SKI: variants seen among roughly 807,000 people sequenced by gnomAD.
The protein encoded by SKI is ski oncogene.
A neutral mutation model predicts 59.3 loss-of-function variants in SKI; 23 were observed. That is an observed-to-expected ratio of 0.39 (90% CI 0.28 to 0.55). The LOEUF (loss-of-function observed/expected upper bound fraction) is 0.55. SKI is among the 20% of genes least tolerant of loss of function. The pLI, the probability that SKI is intolerant of heterozygous loss-of-function variation, is 0.67. For missense variants in SKI, 1,017 were observed against 1,038.9 expected (o/e 0.98, Z 0.29); for synonymous variants, 673 against 488.6 (o/e 1.38, Z -4.98).
chr1:2,251,821 G>T (rs1383295319), intron 1 of SKI, among the ~76,000 whole-genome samples: 1 of 152,202 alleles, frequency 6.6e-6, no homozygotes, highest in African/African-American at 2.4e-5. Context: ...TCTCGAGTCT[G>T]GTTGTTGTTG....
chr1:2,267,626 G>A lies in SKI; in HGVS notation c.970-35352G>A, dbSNP rs1014685093. ...CTGCACTCTGCTCTCATCGGAAGCT[G>A]GGCAGTGGCCAGAGGCCTGGGAAAG... On this transcript the variant is annotated intron_variant, in intron 1 of 6. Coordinates refer to ENST00000378536, the MANE Select transcript of SKI (RefSeq NM_003036.4). This position sits in a 1 kb window ranked among gnomAD's most constrained non-coding sequence, Gnocchi z 4.1. Among the ~76,000 whole-genome samples, 7 of 152,198 alleles carry A rather than the reference G, an allele frequency of 4.6e-5. No individual in the cohort carries two copies. The highest frequency in any genetic ancestry group is 1.2e-4 in the African/African-American group (5 of 41,448).
intron 1 of SKI, among the ~76,000 whole-genome samples, chr1:2,301,299 A>G (rs1462592056): frequency 6.6e-6 from 1 of 151,988 alleles, no homozygotes; most frequent in African/African-American, 2.4e-5. Context: ...GCCGCCACAT[A>G]GAGGGGGTAT....
At chr1:2,284,517 C>T (rs551112257) in intron 1 of SKI, among the ~76,000 whole-genome samples, 1 of 152,204 alleles carries the variant, frequency 6.6e-6, no homozygotes, top group South Asian at 2.1e-4. Context: ...TGGAGCAGGG[C>T]AGATGCAGCT....
chr1:2,308,086 C>G lies in SKI; in HGVS notation c.*1321C>G, dbSNP rs1640645238. ...TGCAAATTGTATAAGGTTTCTTATG[C>G]CCAAGCTTGAAAAATGATTTCCCAG... On this transcript the variant is annotated 3_prime_UTR_variant, in exon 7 of 7. Transcript: ENST00000378536. The G allele has an allele frequency of 6.6e-6, 1 of 152,292 alleles. No homozygotes were observed. The highest frequency in any genetic ancestry group is 2.1e-4 in the South Asian group (1 of 4,826). The allele number at this position is 152,292 out of a possible 1,614,324, so 9.4% of individuals were successfully genotyped here.
intron 1 of SKI, among the ~76,000 whole-genome samples, chr1:2,234,927 G>A (rs751466580): frequency 3.9e-5 from 6 of 152,298 alleles, no homozygotes; most frequent in East Asian, 3.9e-4. Flanking sequence ...ATGGAGGGGG[G>A]GCTGCCTGGG....
At chr1:2,288,873 C>A (rs181433367) in intron 1 of SKI, among the ~76,000 whole-genome samples, 87 of 152,308 alleles carry the variant, frequency 5.7e-4, no homozygotes, top group African/African-American at 2.0e-3. Context: ...CCCCTCCCCC[C>A]GCCACGTGTG....
chr1:2,296,741 C>T (rs1223960569), intron 1 of SKI, among the ~76,000 whole-genome samples: 1 of 151,726 alleles, frequency 6.6e-6, no homozygotes, highest in Non-Finnish European at 1.5e-5. Context: ...TTCTGGGAAG[C>T]CTTGTTGTTG....
chr1:2,264,168 A>G (rs1014484499), intron 1 of SKI, among the ~76,000 whole-genome samples: 5 of 152,238 alleles, frequency 3.3e-5, no homozygotes, highest in African/African-American at 1.2e-4. Context: ...TCTCAATTCA[A>G]CTAAAAATGC....
At chr1:2,277,474 C>T (rs935209816) in intron 1 of SKI, among the ~76,000 whole-genome samples, 1 of 152,188 alleles carries the variant, frequency 6.6e-6, no homozygotes, top group Non-Finnish European at 1.5e-5. Flanking sequence ...GCTTTTGCTT[C>T]CTCCTCATTT....
Position 2,269,270 on chromosome 1 carries a change from C to G in SKI, c.970-33708C>G, listed in dbSNP as rs1242158116. Reference sequence around the variant, plus strand: ...CCCATGTTTGATTCTCGATGCAGATCCAGCCCTGGGAAGAAAGCACCGCTG... The same window carrying G: ...CCCATGTTTGATTCTCGATGCAGATGCAGCCCTGGGAAGAAAGCACCGCTG... On this transcript the variant is annotated intron_variant, in intron 1 of 6. Coordinates refer to ENST00000378536, the MANE Select transcript of SKI (RefSeq NM_003036.4). The surrounding 1 kb of genome is among the most constrained non-coding windows in gnomAD (Gnocchi z 4.7). Among the ~76,000 whole-genome samples, 1 of 152,184 alleles carries G rather than the reference C, an allele frequency of 6.6e-6. No homozygotes were observed. The highest frequency in any genetic ancestry group is 2.4e-5 in the African/African-American group (1 of 41,436).
Position 2,229,037 on chromosome 1 carries a change from T to C in SKI, c.271T>C (p.Phe91Leu). 6.2e-7 allele frequency: 1 copy of C among 1,602,096 alleles called. No individual in the cohort carries two copies. Among genetic ancestry groups the C allele is most frequent in the Non-Finnish European group, 8.5e-7 (1 of 1,178,928 alleles). The change falls in exon 1 of 7, where the codon TTC becomes CTC. Residue 91 changes from phenylalanine to leucine, a missense_variant. Coordinates refer to ENST00000378536, the MANE Select transcript of SKI (RefSeq NM_003036.4). The surrounding 1 kb of genome is among the most constrained non-coding windows in gnomAD (Gnocchi z 6.3). ...GCCGCCCGTGCTGCCCGGGCCCTTC[T>C]TCATGCCGTCCGACCGCTCCACCGA... Reference protein sequence around the residue: ...PPPPVLPGPFFMPSDRSTERC... With the variant: ...PPPPVLPGPFLMPSDRSTERC...
rs147683936 is a variant in SKI at position 2,239,388 on chromosome 1, C to A, written c.969+9653C>A. On this transcript the variant is annotated intron_variant, in intron 1 of 6. Coordinates refer to ENST00000378536, the MANE Select transcript of SKI (RefSeq NM_003036.4). ...AACCCCCTGGGTTGCCTCTGTGTGG[C>A]TCTTCGAGTCAAGCCGGGCTCGATG... Among the ~76,000 whole-genome samples, 449 of 152,288 alleles carry A rather than the reference C, an allele frequency of 2.9e-3. 5 individuals are homozygous for A. The highest frequency in any genetic ancestry group is 9.9e-3 in the African/African-American group (412 of 41,558).
intron 1 of SKI, among the ~76,000 whole-genome samples, chr1:2,231,428 G>A (rs1402813877): frequency 6.6e-6 from 1 of 152,172 alleles, no homozygotes; most frequent in African/African-American, 2.4e-5. Context: ...TTTGCTGGGG[G>A]CCCATTGGAG....
intron 1 of SKI, among the ~76,000 whole-genome samples, chr1:2,237,773 A>T (rs1638783507): frequency 6.6e-6 from 1 of 152,216 alleles, no homozygotes; most frequent in African/African-American, 2.4e-5. Flanking sequence ...CTGTTGAGGG[A>T]ACGTGTCTGT....
intron 1 of SKI, among the ~76,000 whole-genome samples, chr1:2,258,042 C>G (rs537770337): frequency 6.3e-4 from 96 of 152,296 alleles, no homozygotes; most frequent in African/African-American, 2.0e-3. Flanking sequence ...CCAGCCTGCA[C>G]AACATTTTAA....
intron 1 of SKI, among the ~76,000 whole-genome samples, chr1:2,260,296 A>G (rs958729574): frequency 6.6e-6 from 1 of 152,124 alleles, no homozygotes; most frequent in African/African-American, 2.4e-5. Flanking sequence ...CGTATTTGCC[A>G]CCATATGTCT....
chr1:2,262,461 C>T (rs192488560), intron 1 of SKI, among the ~76,000 whole-genome samples: 384 of 150,602 alleles, frequency 2.5e-3, no homozygotes, highest in African/African-American at 8.9e-3. Flanking sequence ...CGTCCTCGCT[C>T]CTGATCTCCT....
chr1:2,273,015 CT>C (rs913402955), intron 1 of SKI, among the ~76,000 whole-genome samples: 37 of 152,376 alleles, frequency 2.4e-4, no homozygotes, highest in African/African-American at 8.9e-4. Context: ...GAAACACAGG[CT>C]GTACCCCGCC....
At chr1:2,258,750 T>C (rs575680635) in intron 1 of SKI, among the ~76,000 whole-genome samples, 2 of 152,190 alleles carry the variant, frequency 1.3e-5, no homozygotes, top group African/African-American at 4.8e-5. Flanking sequence ...AGACGGGGTT[T>C]GTTGGTCAGG....
Sources: gnomAD v4.1 joint callset for allele counts (sites outside exome capture counted in the v4.1 genomes callset) on GRCh38, gnomAD v4.1.1 for gene constraint, Gnocchi (gnomAD v3.1) non-coding constraint, MANE v1.5 for transcripts, NCBI Gene and HGNC (gene_info 2026-07-23, HGNC 2026-07-21) for gene names.